Variants in PCDHA11 observed in about 807,000 individuals in gnomAD.
PCDHA11 encodes protocadherin alpha-11.
PCDHA11 carries 61 observed loss-of-function variants against 70.3 expected under a neutral mutation model. The ratio of observed to expected loss-of-function variants is 0.87; its 90% CI spans 0.71 to 1.07. The LOEUF is 1.07. Among genes scored for constraint, PCDHA11 ranks in the 50% least tolerant of loss-of-function variants. PCDHA11 has a pLI of 0.00. For synonymous variants in PCDHA11, 633 were observed against 555.1 expected, an observed-to-expected ratio of 1.14 and a Z score of -1.97; for missense variants, 1,324 against 1,237.5, an observed-to-expected ratio of 1.07 and a Z score of -1.05.
chr5:140,993,631 G>A (rs1466996708), intron 3 of PCDHA11, among the ~76,000 whole-genome samples: 2 of 152,162 alleles, frequency 1.3e-5, no homozygotes, highest in African/African-American at 2.4e-5. Context: ...ATATATAGTC[G>A]TGTACCAAAT....
chr5:141,004,037 G>A (rs946974688), intron 3 of PCDHA11, among the ~76,000 whole-genome samples: 1 of 152,200 alleles, frequency 6.6e-6, no homozygotes, highest in African/African-American at 2.4e-5. Flanking sequence ...TTCCTTGATT[G>A]ATCATTTGCT....
At chr5:140,937,869 G>A (rs1268422806) in intron 1 of PCDHA11, among the ~76,000 whole-genome samples, 1 of 150,376 alleles carries the variant, frequency 6.6e-6, no homozygotes, top group African/African-American at 2.5e-5. Flanking sequence ...CCGAGATCGC[G>A]CCACTGCACT....
In PCDHA11 at chr5:141,010,329, G is replaced by C; in HGVS notation, c.*392G>C. On this transcript the variant is annotated 3_prime_UTR_variant, in exon 4 of 4. Coordinates refer to ENST00000398640, the MANE Select transcript of PCDHA11 (RefSeq NM_018902.5). ...AGTTTTGAGATTGAGCAGCTTGGGAGTTTGTGGCCACTGGGTATGTGTGGC... is the reference window on the plus strand; with the variant it reads ...AGTTTTGAGATTGAGCAGCTTGGGACTTTGTGGCCACTGGGTATGTGTGGC... 6.5e-7 allele frequency: 1 copy of C among 1,538,672 alleles called. No individual in the cohort carries two copies. Among genetic ancestry groups the C allele is most frequent in the Non-Finnish European group, 8.8e-7 (1 of 1,142,532 alleles).
At chr5:140,894,989 C>T (rs1446674371) in intron 1 of PCDHA11, among the ~76,000 whole-genome samples, 2 of 152,110 alleles carry the variant, frequency 1.3e-5, no homozygotes, top group Non-Finnish European at 2.9e-5. Context: ...TTGTGACATC[C>T]TTTACCCTTT....
intron 1 of PCDHA11, among the ~76,000 whole-genome samples, chr5:140,975,986 G>C (rs1554237183): frequency 6.6e-6 from 1 of 152,112 alleles, no homozygotes; most frequent in East Asian, 1.9e-4. Context: ...ATAGTCCTGG[G>C]AGGTACCATC....
At chr5:140,875,450 C>T (rs199938092) in intron 1 of PCDHA11, 2 of 1,590,620 alleles carry the variant, frequency 1.3e-6, no homozygotes, top group African/African-American at 1.3e-5. Flanking sequence ...ATTGTCCCAA[C>T]TCAGAGGCCC....
At chr5:140,976,718 C>A (rs2096728735) in intron 1 of PCDHA11, among the ~76,000 whole-genome samples, 1 of 152,096 alleles carries the variant, frequency 6.6e-6, no homozygotes, top group South Asian at 2.1e-4. Context: ...CATTATAGTT[C>A]ATTTATTTAA....
intron 1 of PCDHA11, chr5:140,884,520 C>G (rs782029549): frequency 4.3e-6 from 7 of 1,613,918 alleles, no homozygotes; most frequent in Middle Eastern, 1.6e-4. Flanking sequence ...TGGTCGTACT[C>G]GCAGCAGAGG....
rs114351206 is a variant in PCDHA11 at position 140,991,799 on chromosome 5, G to A, written c.2539+9236G>A. Among the ~76,000 whole-genome samples the A allele has an allele frequency of 3.8e-3, 580 of 152,160 alleles. 3 individuals are homozygous for A. The highest frequency in any genetic ancestry group is 0.013 in the African/African-American group (548 of 41,490). On this transcript the variant is annotated intron_variant, in intron 3 of 3. Coordinates refer to ENST00000398640, the MANE Select transcript of PCDHA11 (RefSeq NM_018902.5). ...ACTCTGCCCATTTCCCAATCTCAAG[G>A]CCACTTCCGCATTTTTAGGCATTTA... is the stretch of plus-strand genomic sequence containing the variant.
intron 3 of PCDHA11, among the ~76,000 whole-genome samples, chr5:140,988,308 G>A (rs75602297): frequency 6.6e-6 from 1 of 152,298 alleles, no homozygotes; most frequent in East Asian, 1.9e-4. Flanking sequence ...TGCCAGCTTG[G>A]CTTGGCTTTC....
At chr5:140,962,930 C>A (rs2095720492) in intron 1 of PCDHA11, among the ~76,000 whole-genome samples, 1 of 152,144 alleles carries the variant, frequency 6.6e-6, no homozygotes, top group South Asian at 2.1e-4. Flanking sequence ...TACTTCTCAA[C>A]CTCCTCTCCA....
rs571779587 is a variant in PCDHA11 at position 140,961,550 on chromosome 5, C to CT, written c.2392-17392dup. 1.8e-3 allele frequency among the ~76,000 whole-genome samples: 273 copies of CT among 152,148 alleles called. 1 individual carries two copies. Among genetic ancestry groups the CT allele is most frequent in the Middle Eastern group, 3.4e-3 (1 of 294 alleles). ...TAGATAGACTGTTCCTGCAGCATTT[C>CT]TTTTTTTAAATTTTGTTTTGATAAG... On this transcript the variant is annotated intron_variant, in intron 1 of 3. Transcript: ENST00000398640.
chr5:140,993,071 G>A (rs1301535845), intron 3 of PCDHA11, among the ~76,000 whole-genome samples: 9 of 152,222 alleles, frequency 5.9e-5, no homozygotes, highest in African/African-American at 2.2e-4. Flanking sequence ...TGTTCCTGCA[G>A]TCTGCAATCA....
intron 2 of PCDHA11, 171 bp downstream of exon 2, chr5:140,979,178 G>T: frequency 1.1e-6 from 1 of 944,140 alleles, no homozygotes; most frequent in Non-Finnish European, 1.3e-6. Flanking sequence ...GATCGCAAAT[G>T]GTCAGTGCCA....
At chr5:140,995,060 A>C (rs1424126097) in intron 3 of PCDHA11, among the ~76,000 whole-genome samples, 2 of 152,204 alleles carry the variant, frequency 1.3e-5, no homozygotes, top group African/African-American at 2.4e-5. Context: ...AATTTTCAAA[A>C]ATCAACCTAC....
chr5:140,967,043 G>T (rs1477679213), intron 1 of PCDHA11: 2 of 1,611,990 alleles, frequency 1.2e-6, no homozygotes, highest in African/African-American at 2.7e-5. Context: ...CCTGGAGCTG[G>T]ACCTGACGAG....
chr5:140,875,340 C>A, intron 1 of PCDHA11: 1 of 1,442,242 alleles, frequency 6.9e-7, no homozygotes, highest in Non-Finnish European at 9.1e-7. Flanking sequence ...AGGATCGACT[C>A]CATAATGACT....
At chr5:140,940,809 C>G (rs1308338406) in intron 1 of PCDHA11, among the ~76,000 whole-genome samples, 1 of 152,118 alleles carries the variant, frequency 6.6e-6, no homozygotes, top group Admixed American at 6.5e-5. Flanking sequence ...GCCAGGATAT[C>G]CTGAGATCTT....
At chr5:140,967,380 A>C in intron 1 of PCDHA11, 3 of 1,608,302 alleles carry the variant, frequency 1.9e-6, no homozygotes, top group Non-Finnish European at 2.6e-6. Flanking sequence ...GAGAACAGTA[A>C]AGTGCTTGAG....
Sources: allele counts gnomAD v4.1 joint callset (sites outside exome capture counted in the v4.1 genomes callset), GRCh38; gene constraint gnomAD v4.1.1; transcripts MANE v1.5; gene names NCBI Gene and HGNC (gene_info 2026-07-23, HGNC 2026-07-21).